The following CHST11 variants were observed in gnomAD, a reference collection of about 807,000 sequenced individuals.
CHST11 encodes the protein carbohydrate sulfotransferase 11.
A neutral mutation model predicts 30.4 loss-of-function variants in CHST11; 9 were observed. The ratio of observed to expected loss-of-function variants is 0.30; its 90% CI spans 0.18 to 0.52. The LOEUF (loss-of-function observed/expected upper bound fraction) is 0.52, where lower values mean the gene tolerates loss of function less well. Among genes scored for constraint, CHST11 ranks in the 20% least tolerant of loss-of-function variants. CHST11 has a pLI of 0.97. For synonymous variants in CHST11, 152 were observed against 187.8 expected (o/e 0.81, Z 1.56); for missense variants, 348 against 460.6 (o/e 0.76, Z 2.24).
chr12:104,652,876 C>G (rs76833441), intron 2 of CHST11, among the ~76,000 whole-genome samples: 1 of 152,146 alleles, frequency 6.6e-6, no homozygotes, highest in Non-Finnish European at 1.5e-5. Context: ...CCTGCTTGGC[C>G]TCTGCTCCCT....
intron 1 of CHST11, among the ~76,000 whole-genome samples, chr12:104,573,451 T>G (rs1447294814): frequency 1.4e-4 from 21 of 146,430 alleles, no homozygotes; most frequent in South Asian, 6.5e-4. Flanking sequence ...GCTACCTGAC[T>G]TCAAACTATA....
At chr12:104,487,172 C>T (rs2037688049) in intron 1 of CHST11, among the ~76,000 whole-genome samples, 1 of 152,228 alleles carries the variant, frequency 6.6e-6, no homozygotes, top group African/African-American at 2.4e-5. Flanking sequence ...CCGTTATCAA[C>T]ATTACTAGAC....
chr12:104,475,658 T>TTCTATATATATATATATA (rs770441229), intron 1 of CHST11, among the ~76,000 whole-genome samples: 1 of 34,172 alleles, frequency 2.9e-5, no homozygotes, highest in East Asian at 9.8e-4. Flanking sequence ...TAAAGCAGCA[T>TTCTATATATATATATATA]TATATATATA....
chr12:104,530,476 C>T (rs1255111017), intron 1 of CHST11, among the ~76,000 whole-genome samples: 2 of 152,188 alleles, frequency 1.3e-5, no homozygotes, highest in East Asian at 3.8e-4. Context: ...CTACAATAAG[C>T]TCCTGTGTGA....
chr12:104,680,392 C>T (rs2039783362), intron 2 of CHST11, among the ~76,000 whole-genome samples: 1 of 152,208 alleles, frequency 6.6e-6, no homozygotes, highest in Non-Finnish European at 1.5e-5. Context: ...GAAGCAAACA[C>T]AAAGGCTGTG....
intron 1 of CHST11, among the ~76,000 whole-genome samples, chr12:104,522,087 TA>T (rs764980009): frequency 6.6e-6 from 1 of 152,178 alleles, no homozygotes; most frequent in Non-Finnish European, 1.5e-5. Flanking sequence ...AATGTGAAAT[TA>T]AATCAAGAAA....
At chr12:104,492,821 C>T (rs1210428545) in intron 1 of CHST11, among the ~76,000 whole-genome samples, 1 of 152,156 alleles carries the variant, frequency 6.6e-6, no homozygotes, top group Non-Finnish European at 1.5e-5. Flanking sequence ...ATCACGAGGT[C>T]AGCAGTTTGA....
intron 2 of CHST11, among the ~76,000 whole-genome samples, chr12:104,695,471 G>A (rs1295506961): frequency 6.6e-6 from 1 of 150,888 alleles, no homozygotes; most frequent in African/African-American, 2.5e-5. Flanking sequence ...GTGTGTGTGT[G>A]TGTATGTGTC....
intron 2 of CHST11, among the ~76,000 whole-genome samples, chr12:104,656,988 A>T (rs55743047): frequency 0.1 from 15,142 of 149,840 alleles, 922 homozygotes; most frequent in African/African-American, 0.17. Context: ...ACCTTCAGGC[A>T]TCGTCTGATC....
At chr12:104,621,925 C>T (rs1261500265) in intron 2 of CHST11, among the ~76,000 whole-genome samples, 2 of 152,292 alleles carry the variant, frequency 1.3e-5, no homozygotes, top group African/African-American at 2.4e-5. Flanking sequence ...GTAAGCAGTC[C>T]GGCAGCAGCG....
chr12:104,677,521 A>G (rs2039753600), intron 2 of CHST11, among the ~76,000 whole-genome samples: 2 of 152,230 alleles, frequency 1.3e-5, no homozygotes, highest in Non-Finnish European at 1.5e-5. Context: ...TATAGCCCCT[A>G]TTGGAGCCTA....
chr12:104,584,300 A>G (rs2038780402), intron 1 of CHST11, among the ~76,000 whole-genome samples: 2 of 134,556 alleles, frequency 1.5e-5, no homozygotes, highest in Non-Finnish European at 3.1e-5. Context: ...TCTGTCACCC[A>G]GGGTGGAGTG....
chr12:104,649,441 G>A (rs994755291), intron 2 of CHST11, among the ~76,000 whole-genome samples: 16 of 152,080 alleles, frequency 1.1e-4, no homozygotes, highest in African/African-American at 3.6e-4. Context: ...TCTCTTTCAG[G>A]CAAGGAAAAA....
intron 2 of CHST11, among the ~76,000 whole-genome samples, chr12:104,730,760 GCTTCTGCTCGTCCACACTGTTCATCT>G (rs1340984501): frequency 4.6e-5 from 7 of 152,178 alleles, no homozygotes; most frequent in African/African-American, 1.7e-4. Context: ...GAGAGGAGTG[GCTTCTGCTCGTCCACACTGTTCATCT>G]CTAGGAGTGG....
chr12:104,492,504 T>C (rs1173935716), intron 1 of CHST11, among the ~76,000 whole-genome samples: 1 of 152,242 alleles, frequency 6.6e-6, no homozygotes, highest in Non-Finnish European at 1.5e-5. Flanking sequence ...TATGTGTCTC[T>C]GGCACATACC....
intron 2 of CHST11, among the ~76,000 whole-genome samples, chr12:104,625,819 GC>G (rs373543588): frequency 2.0e-5 from 3 of 152,014 alleles, no homozygotes; most frequent in African/African-American, 7.3e-5. Context: ...TTCCAAATCT[GC>G]CCAGAAGACA....
intron 2 of CHST11, among the ~76,000 whole-genome samples, chr12:104,612,853 G>A (rs2039072213): frequency 6.6e-6 from 1 of 152,192 alleles, no homozygotes; most frequent in South Asian, 2.1e-4. Context: ...ATGCCCAAAG[G>A]AAGTGCAAGC....
intron 1 of CHST11, among the ~76,000 whole-genome samples, chr12:104,478,524 G>A (rs150192368): frequency 1.6e-4 from 25 of 152,270 alleles, no homozygotes; most frequent in Non-Finnish European, 3.1e-4. Context: ...AGATGGAAGC[G>A]GATGAGGGGA....
intron 2 of CHST11, among the ~76,000 whole-genome samples, chr12:104,667,287 T>TC (rs1276230411): frequency 6.6e-6 from 1 of 151,940 alleles, no homozygotes; most frequent in Non-Finnish European, 1.5e-5. Flanking sequence ...GTGTCCTTAT[T>TC]CCCCCACCAC....
Sources: gnomAD v4.1 joint callset for allele counts (sites outside exome capture counted in the v4.1 genomes callset) on GRCh38, gnomAD v4.1.1 for gene constraint, MANE v1.5 for transcripts, NCBI Gene and HGNC (gene_info 2026-07-23, HGNC 2026-07-21) for gene names.